SLC25A47: variants seen among roughly 807,000 people sequenced by gnomAD.
The protein encoded by SLC25A47 is HCC-down-regulated mitochondrial carrier protein.
Under a neutral mutation model 29.8 loss-of-function variants are expected in SLC25A47, and 30 were observed. The ratio of observed to expected loss-of-function variants is 1.01; its 90% CI spans 0.75 to 1.36. The LOEUF (loss-of-function observed/expected upper bound fraction) is 1.36, where lower values mean the gene tolerates loss of function less well. Ranked by LOEUF, SLC25A47 falls within the 40% of genes most tolerant of loss-of-function variation. The pLI is 0.00. For synonymous variants in SLC25A47, 204 were observed against 197.8 expected (o/e 1.03, Z -0.26); for missense variants, 430 against 441.9 (o/e 0.97, Z 0.24).
chr14:100,329,994 C>T lies in SLC25A47; in HGVS notation c.*349C>T, dbSNP rs577455117. 5 of 326,482 alleles carry T rather than the reference C, an allele frequency of 1.5e-5. No individual in the cohort carries two copies. The highest frequency in any genetic ancestry group is 8.4e-5 in the African/African-American group (4 of 47,584). The allele number at this position is 326,482 out of a possible 1,614,324, so 20.2% of individuals were successfully genotyped here. ...TCTTTGAAGCACCCCTCCAGGGAGT[C>T]AGGTGTGTGCTCAGCCACCCTCTGC... On this transcript the variant is annotated 3_prime_UTR_variant, in exon 6 of 6. Coordinates refer to ENST00000361529, the MANE Select transcript of SLC25A47 (RefSeq NM_207117.4).
chr14:100,324,928 T>C (rs1473598099), intron 1 of SLC25A47, among the ~76,000 whole-genome samples: 1 of 152,134 alleles, frequency 6.6e-6, no homozygotes, highest in Non-Finnish European at 1.5e-5. Context: ...GTGTGAGGTG[T>C]ATGGGAGGGT....
At chr14:100,326,339 T>A in intron 3 of SLC25A47, 111 bp downstream of exon 3, 1 of 936,762 alleles carries the variant, frequency 1.1e-6, no homozygotes, top group Admixed American at 2.3e-5. Context: ...CTCTCTCACC[T>A]TCCACATGGG....
At position 100,329,026 on chromosome 14, in the gene SLC25A47, G is replaced by A. The variant is rs773487246; in HGVS notation, c.628G>A (p.Ala210Thr). The change falls in exon 5 of 6, where the codon GCT becomes ACT. Residue 210 changes from alanine (A) to threonine (T), a missense_variant. Transcript: ENST00000361529. ...YAVLCEWLSP[A>T]GHSRPDVPGV... Reference sequence around the variant, plus strand: ...GGTCCTCTGCGAGTGGCTCAGCCCCGCTGGCCACAGCCGGCCAGGTGAGCA... The same window carrying A: ...GGTCCTCTGCGAGTGGCTCAGCCCCACTGGCCACAGCCGGCCAGGTGAGCA... The A allele has an allele frequency of 5.4e-5, 86 of 1,599,018 alleles. No individual in the cohort carries two copies. The highest frequency in any genetic ancestry group is 6.7e-5 in the East Asian group (3 of 44,870).
chr14:100,327,031 GA>G (rs1302423196), intron 3 of SLC25A47, among the ~76,000 whole-genome samples, 156 bp from the exon 4 acceptor site: 2 of 152,204 alleles, frequency 1.3e-5, no homozygotes, highest in African/African-American at 4.8e-5. Context: ...CCCCCCTTGT[GA>G]CCTCCATCTT....
rs36056565 is a variant in SLC25A47 at position 100,328,879 on chromosome 14, G to A, written c.481G>A (p.Gly161Arg). 7.4e-6 allele frequency: 12 copies of A among 1,611,776 alleles called. No individual in the cohort carries two copies. The highest frequency in any genetic ancestry group is 1.3e-5 in the African/African-American group (1 of 74,944). Reference sequence around the variant, plus strand: ...AGCCTGCCCAGAGCCCAAGTACCGCGGGCCACTGCACTGCCTGGCCACGGT... The same window carrying A: ...AGCCTGCCCAGAGCCCAAGTACCGCAGGCCACTGCACTGCCTGGCCACGGT... ...PPACPEPKYR[G>R]PLHCLATVAR... The change falls in exon 5 of 6, where the codon GGG becomes AGG. Residue 161 changes from glycine (G) to arginine (R), a missense_variant. Physicochemically the swap from Gly to Arg is moderately radical, Grantham distance 125. Coordinates refer to ENST00000361529, the MANE Select transcript of SLC25A47 (RefSeq NM_207117.4).
intron 1 of SLC25A47, among the ~76,000 whole-genome samples, chr14:100,324,355 G>C (rs1463449165): frequency 1.3e-5 from 2 of 152,176 alleles, no homozygotes; most frequent in Non-Finnish European, 2.9e-5. Context: ...CGCCCAAGTA[G>C]CTGGGATTAC....
chr14:100,325,276 G>A (rs1566823606), intron 1 of SLC25A47, among the ~76,000 whole-genome samples: 1 of 152,156 alleles, frequency 6.6e-6, no homozygotes, highest in Non-Finnish European at 1.5e-5. Context: ...CACGAACCCC[G>A]GTGTGGGCTT....
rs1202168483 is a variant in SLC25A47 at position 100,325,817 on chromosome 14, CT to C, written c.59del (p.Leu20ArgfsTer4). On this transcript the variant is annotated frameshift_variant, in exon 2 of 6. Transcript: ENST00000361529. LOFTEE classifies it high-confidence loss of function. ...CTGCGGTGTTGCTGTGGGCTACCCC[CT>C]GGACACGGTGAAGGTGCGGCAATAG... Reference protein sequence around the residue: ...GVCGVAVGYPLDTVKVRIQTE... With the variant: ...GVCGVAVGYPXDTVKVRIQTE... 3.7e-6 allele frequency: 6 copies of C among 1,612,576 alleles called. No individual in the cohort carries two copies. The highest frequency in any genetic ancestry group is 3.3e-5 in the Admixed American group (2 of 59,896).
At position 100,326,651 on chromosome 14, in the gene SLC25A47, A is replaced by C. The variant is rs147952954; in HGVS notation, c.144+423A>C. Among the ~76,000 whole-genome samples, 868 of 152,246 alleles carry C rather than the reference A, an allele frequency of 5.7e-3. 8 individuals are homozygous for C. The highest frequency in any genetic ancestry group is 0.017 in the Middle Eastern group (5 of 294). On this transcript the variant is annotated intron_variant, in intron 3 of 5. Coordinates refer to ENST00000361529, the MANE Select transcript of SLC25A47 (RefSeq NM_207117.4). ...GTGCAGGCCAGGGGCTAGTTTGTGAAAGCAGCAGTGGCAGAACATGCTGTT... is the reference window on the plus strand; with the variant it reads ...GTGCAGGCCAGGGGCTAGTTTGTGACAGCAGCAGTGGCAGAACATGCTGTT...
chr14:100,328,482 G>A (rs987156620), intron 4 of SLC25A47, among the ~76,000 whole-genome samples: 10 of 152,232 alleles, frequency 6.6e-5, no homozygotes, highest in African/African-American at 2.4e-4. Flanking sequence ...TATCTTACAC[G>A]TCCCAGGAGA....
At chr14:100,323,635 T>G (rs1165539627) in intron 1 of SLC25A47, among the ~76,000 whole-genome samples, 193 bp downstream of exon 1, 2 of 151,912 alleles carry the variant, frequency 1.3e-5, no homozygotes, top group Non-Finnish European at 2.9e-5. Context: ...CCTGGGGGGC[T>G]GCACTGGCCT....
At chr14:100,325,692 C>G in intron 1 of SLC25A47, 96 bp from the exon 2 acceptor site, 1 of 1,306,018 alleles carries the variant, frequency 7.7e-7, no homozygotes, top group Non-Finnish European at 1.1e-6. Context: ...TTGGGGGAGC[C>G]CAGTCAGCGT....
At chr14:100,329,215 TCA>T (rs1300944841) in intron 5 of SLC25A47, 148 bp from the exon 6 acceptor site, 4 of 1,176,600 alleles carry the variant, frequency 3.4e-6, no homozygotes, top group Middle Eastern at 2.7e-4. Context: ...ACTTGCTGTG[TCA>T]CAGAGTCAGT....
intron 4 of SLC25A47, 108 bp from the exon 5 acceptor site, chr14:100,328,618 G>T: frequency 8.2e-7 from 1 of 1,218,596 alleles, no homozygotes; most frequent in Non-Finnish European, 1.2e-6. Flanking sequence ...GGGTCTCGGG[G>T]CCCAACCTCC....
At chr14:100,327,483 C>A in intron 4 of SLC25A47, 113 bp downstream of exon 4, 2 of 1,204,584 alleles carry the variant, frequency 1.7e-6, no homozygotes, top group South Asian at 3.1e-5. Context: ...ACACTGGAGG[C>A]CATGCATGGA....
In SLC25A47 at chr14:100,323,488, G is replaced by T. The variant is rs112795566; in HGVS notation, c.28+46G>T. The T allele has an allele frequency of 3.9e-3, 6,240 of 1,605,676 alleles. 206 individuals carry two copies. The African/African-American group carries it at 0.068, about 18-fold the overall frequency. ...CTGTGCAGACACTGCTGCTCCTGGG[G>T]GTAGCAGGAGGAACTGAGGTCCAGG... On this transcript the variant is annotated intron_variant, in intron 1 of 5. Coordinates refer to ENST00000361529, the MANE Select transcript of SLC25A47 (RefSeq NM_207117.4).
rs996479765 is a variant in SLC25A47, at chr14:100,328,745, C to T, written c.347C>T (p.Thr116Ile). The stretch of plus-strand genomic sequence containing the variant: ...CTCCAGGTGTTCCTGACGTCGCCCA[C>T]TGAGGTGGCCAAAGTCCGCTTGCAG... ...GLVRVFLTSP[T>I]EVAKVRLQTQ... The change falls in exon 5 of 6, where the codon ACT (threonine) becomes ATT (isoleucine). Residue 116 changes from threonine (T) to isoleucine (I), a missense_variant. Thr to Ile is a moderately conservative substitution (Grantham distance 89, BLOSUM62 -1). Transcript: ENST00000361529. 6.2e-7 allele frequency: 1 copy of T among 1,613,014 alleles called. No homozygotes were observed. The highest frequency in any genetic ancestry group is 2.2e-5 in the East Asian group (1 of 44,872).
At position 100,323,377 on chromosome 14, in the gene SLC25A47, G is replaced by A. The variant is rs1283155976; in HGVS notation, c.-38G>A. ...CCCTGGTGGCACCAAAGCCCTCTCA[G>A]GCAGGCAGACCCAGGGCCTCCCCGC... On this transcript the variant is annotated 5_prime_UTR_variant, in exon 1 of 6. Transcript: ENST00000361529. 3.1e-6 allele frequency: 5 copies of A among 1,612,082 alleles called. No homozygotes were observed. The highest frequency in any genetic ancestry group is 1.7e-5 in the Admixed American group (1 of 59,982).
chr14:100,323,442 G>A lies in SLC25A47; in HGVS notation c.28G>A (p.Gly10Ser). The part of the protein sequence containing the change: MDFVAGAIG[G>S]VCGVAVGYPL... ...GGATTTTGTCGCTGGAGCCATCGGAGGTAACAGACAGGATGGTGGGCTGTG... is the reference window on the plus strand; with the variant it reads ...GGATTTTGTCGCTGGAGCCATCGGAAGTAACAGACAGGATGGTGGGCTGTG... Residue 10 changes from glycine (G) to serine (S), a missense_variant and splice_region_variant, in exon 1 of 6, where the codon GGC becomes AGC. By Grantham distance (56) the Gly-to-Ser change is moderately conservative (BLOSUM62 0). Coordinates refer to ENST00000361529, the MANE Select transcript of SLC25A47 (RefSeq NM_207117.4). 1.2e-6 allele frequency: 2 copies of A among 1,613,838 alleles called. No individual in the cohort carries two copies. The highest frequency in any genetic ancestry group is 2.2e-5 in the East Asian group (1 of 44,868).
Sources: allele counts gnomAD v4.1 joint callset (sites outside exome capture counted in the v4.1 genomes callset), GRCh38; gene constraint gnomAD v4.1.1; transcripts MANE v1.5; gene names NCBI Gene and HGNC (gene_info 2026-07-23, HGNC 2026-07-21).